LRP6: variants seen among roughly 807,000 people sequenced by gnomAD.
LRP6 encodes the protein low-density lipoprotein receptor-related protein 6.
Under a neutral mutation model 184.1 loss-of-function variants are expected in LRP6, and 43 were observed. That is an observed-to-expected ratio of 0.23 (90% CI 0.18 to 0.30). The LOEUF is 0.30. Among genes scored for constraint, LRP6 ranks in the 10% least tolerant of loss-of-function variants. The pLI, the probability that LRP6 is intolerant of heterozygous loss-of-function variation, is 1.00. For synonymous variants in LRP6, 719 were observed against 684.9 expected, an observed-to-expected ratio of 1.05 and a Z score of -0.78; for missense variants, 1,571 against 2,005.3, an observed-to-expected ratio of 0.78 and a Z score of 4.14.
intron 7 of LRP6, 118 bp from the exon 8 acceptor site, chr12:12,165,413 A>C: frequency 1.3e-6 from 1 of 756,226 alleles, no homozygotes; most frequent in Admixed American, 1.9e-5. Flanking sequence ...TATTCCTATT[A>C]CAATGCTTTC....
intron 7 of LRP6, among the ~76,000 whole-genome samples, chr12:12,173,663 C>T (rs141128840): frequency 5.1e-3 from 781 of 152,032 alleles, no homozygotes; most frequent in Middle Eastern, 0.01. Context: ...TTCTGTAGAG[C>T]CGGGGATCTC....
At chr12:12,211,559 A>G (rs1213603399) in intron 2 of LRP6, among the ~76,000 whole-genome samples, 1 of 152,208 alleles carries the variant, frequency 6.6e-6, no homozygotes, top group Non-Finnish European at 1.5e-5. Context: ...CCGTATCCAG[A>G]GTAGGGATGG....
intron 1 of LRP6, among the ~76,000 whole-genome samples, chr12:12,254,919 T>G (rs1167361390): frequency 6.6e-6 from 1 of 152,240 alleles, no homozygotes; most frequent in Admixed American, 6.5e-5. Context: ...TGGTCAGTTC[T>G]TGACTTACCT....
intron 15 of LRP6, among the ~76,000 whole-genome samples, chr12:12,141,193 G>A (rs1433412319): frequency 6.6e-6 from 1 of 151,854 alleles, no homozygotes; most frequent in Non-Finnish European, 1.5e-5. Context: ...AAGAGGAAAG[G>A]GCTGGGGGAG....
At chr12:12,172,277 T>C (rs558731431) in intron 7 of LRP6, among the ~76,000 whole-genome samples, 1 of 152,344 alleles carries the variant, frequency 6.6e-6, no homozygotes, top group East Asian at 1.9e-4. Context: ...ACACTGAGAA[T>C]ATAGGCTACA....
chr12:12,238,370 G>GA (rs367761908), intron 2 of LRP6, among the ~76,000 whole-genome samples: 62 of 151,060 alleles, frequency 4.1e-4, no homozygotes, highest in African/African-American at 1.4e-3. Flanking sequence ...GGAAAATTAA[G>GA]AAAAAAAAGG....
At chr12:12,132,101 T>C (rs759507079) in intron 17 of LRP6, 44 bp from the exon 18 acceptor site, 4 of 1,270,720 alleles carry the variant, frequency 3.1e-6, no homozygotes, top group East Asian at 4.6e-5. Context: ...AACACAATCA[T>C]GGTCACACAG....
In LRP6 at chr12:12,181,214, T is replaced by A; in HGVS notation, c.1202A>T (p.Gln401Leu). The change falls in exon 6 of 23, where the codon CAA (glutamine) becomes CTA (leucine). Residue 401 changes from glutamine to leucine, a missense_variant. Gln to Leu is a moderately radical substitution (Grantham distance 113). Transcript: ENST00000261349. The part of the protein sequence containing the change: ...GSGSQFVVTA[Q>L]IAHPDGIAVD... ...AGCAATACCATCAGGATGGGCAATT[T>A]GAGCAGTGACCACAAACTGACTGCC... 6.2e-7 allele frequency: 1 copy of A among 1,614,192 alleles called. No individual in the cohort carries two copies. The highest frequency in any genetic ancestry group is 8.5e-7 in the Non-Finnish European group (1 of 1,180,004).
chr12:12,147,701 G>T, intron 14 of LRP6, 145 bp from the exon 15 acceptor site: 1 of 701,558 alleles, frequency 1.4e-6, no homozygotes, highest in Non-Finnish European at 2.4e-6. Flanking sequence ...ACCAGGCACA[G>T]TGGCTCATGC....
chr12:12,157,781 T>C (rs1862634907), intron 12 of LRP6, among the ~76,000 whole-genome samples: 2 of 152,202 alleles, frequency 1.3e-5, no homozygotes, highest in African/African-American at 4.8e-5. Context: ...CATAATCTAC[T>C]CTTTCTGATT....
intron 13 of LRP6, among the ~76,000 whole-genome samples, chr12:12,150,283 CA>C (rs1432378386): frequency 6.6e-6 from 1 of 151,786 alleles, no homozygotes; most frequent in Non-Finnish European, 1.5e-5. Flanking sequence ...TAATTATGAC[CA>C]AAAAAACCCA....
chr12:12,157,382 A>T (rs1862618648), intron 12 of LRP6, among the ~76,000 whole-genome samples: 2 of 152,006 alleles, frequency 1.3e-5, no homozygotes, highest in Non-Finnish European at 2.9e-5. Context: ...CACTGGTCTA[A>T]CTGACTTCCC....
intron 2 of LRP6, among the ~76,000 whole-genome samples, chr12:12,221,683 G>C (rs571935031): frequency 6.6e-6 from 1 of 152,174 alleles, no homozygotes; most frequent in Non-Finnish European, 1.5e-5. Flanking sequence ...TAGAACCAGT[G>C]AAGAGGAACA....
chr12:12,119,120 T>C lies in LRP6; in HGVS notation c.*2006A>G, dbSNP rs10772532. On this transcript the variant is annotated 3_prime_UTR_variant, in exon 23 of 23. Coordinates refer to ENST00000261349, the MANE Select transcript of LRP6 (RefSeq NM_002336.3). ...GAGTTCATGCTTGTCTGTTTTAGGA[T>C]TCTGATAGATTTACCATTTGCTTAT... 150,072 of 152,350 alleles carry C rather than the reference T, an allele frequency of 0.99. 73,943 individuals carry two copies. Among genetic ancestry groups the C allele is most frequent in the East Asian group, 1 (5,192 of 5,192 alleles). The allele number at this position is 152,350 out of a possible 1,614,324, so 9.4% of individuals were successfully genotyped here.
chr12:12,245,825 A>G (rs2135920207), intron 1 of LRP6, among the ~76,000 whole-genome samples: 1 of 152,136 alleles, frequency 6.6e-6, no homozygotes, highest in Admixed American at 6.5e-5. Context: ...TTACTTTCCT[A>G]GTATCAAGCA....
Position 12,126,971 on chromosome 12 carries a change from T to C in LRP6, c.4082-50A>G. On this transcript the variant is annotated intron_variant, in intron 19 of 22. Coordinates refer to ENST00000261349, the MANE Select transcript of LRP6 (RefSeq NM_002336.3). ...TATTTAATAGAAAAACAACTGTATA[T>C]TCAAAATAGTAATCAAAAGAGGGCT... 3 of 1,419,452 alleles carry C rather than the reference T, an allele frequency of 2.1e-6. 1 individual carries two copies. The South Asian group carries it at 3.5e-5, about 16-fold the overall frequency. The allele number at this position is 1,419,452 out of a possible 1,614,324, so 87.9% of individuals were successfully genotyped here. A position where few individuals can be genotyped will look rare whatever the true frequency, so the allele number is the denominator to read the frequency against.
rs1368290147 is a variant in LRP6 at position 12,131,878 on chromosome 12, G to C, written c.3913C>G (p.Leu1305Val). Reference protein sequence around the residue: ...CASGQCIDGALRCNGDANCQD... With the variant: ...CASGQCIDGAVRCNGDANCQD... ...CAGTTTGCATCTCCATTGCATCGGA[G>C]GGCACCATCAATACACTGCCCACTG... The change falls in exon 18 of 23, where the codon CTC (leucine) becomes GTC (valine). Residue 1305 changes from leucine (L) to valine (V), a missense_variant. Coordinates refer to ENST00000261349, the MANE Select transcript of LRP6 (RefSeq NM_002336.3). The C allele has an allele frequency of 6.2e-7, 1 of 1,614,202 alleles. No individual in the cohort carries two copies. The highest frequency in any genetic ancestry group is 2.2e-5 in the East Asian group (1 of 44,886).
chr12:12,245,138 C>A (rs370950510), intron 1 of LRP6, among the ~76,000 whole-genome samples: 1 of 152,166 alleles, frequency 6.6e-6, no homozygotes, highest in African/African-American at 2.4e-5. Context: ...AATACAAAGA[C>A]TTGTATGCAA....
In LRP6 at chr12:12,165,116, G is replaced by C. The variant is rs772785338; in HGVS notation, c.1725C>G (p.Leu575=). The part of the protein sequence containing the change: ...REVIIDQLPD[L]MGLKATNVHR... ...GAACATTTGTAGCCTTTAGGCCCAT[G>C]AGGTCAGGCAGCTGATCTATGATCA... The change falls in exon 8 of 23, where the codon CTC becomes CTG. Residue 575 remains leucine, a synonymous_variant. Transcript: ENST00000261349. 6.8e-6 allele frequency: 11 copies of C among 1,613,856 alleles called. No homozygotes were observed. The African/African-American group carries it at 1.3e-4, about 20-fold the overall frequency.
Sources: allele counts gnomAD v4.1 joint callset (sites outside exome capture counted in the v4.1 genomes callset), GRCh38; gene constraint gnomAD v4.1.1; transcripts MANE v1.5; gene names NCBI Gene and HGNC (gene_info 2026-07-23, HGNC 2026-07-21).